Variants in PPP1R9A observed in about 807,000 individuals in gnomAD.
PPP1R9A encodes the protein protein phosphatase 1 regulatory subunit 9A.
Under a neutral mutation model 141.9 loss-of-function variants are expected in PPP1R9A, and 59 were observed. The ratio of observed to expected loss-of-function variants is 0.42; its 90% confidence interval spans 0.34 to 0.52. The LOEUF (loss-of-function observed/expected upper bound fraction) is 0.52. PPP1R9A is among the 20% of genes least tolerant of loss of function. The probability of loss-of-function intolerance (pLI) is 0.10; values close to 1 mark genes in which losing one functional copy is unlikely to be tolerated. For missense variants in PPP1R9A, 1,444 were observed against 1,611.9 expected (o/e 0.90, Z 1.78); for synonymous variants, 500 against 569.7 (o/e 0.88, Z 1.74).
At chr7:95,245,838 C>G (rs959849496) in intron 8 of PPP1R9A, among the ~76,000 whole-genome samples, 7 of 152,098 alleles carry the variant, frequency 4.6e-5, no homozygotes, top group Non-Finnish European at 1.0e-4. Flanking sequence ...GGGTCCTACT[C>G]TAGAAACTGT....
At chr7:95,132,864 C>T (rs538511913) in intron 4 of PPP1R9A, among the ~76,000 whole-genome samples, 2 of 152,260 alleles carry the variant, frequency 1.3e-5, no homozygotes, top group Non-Finnish European at 2.9e-5. Context: ...GAGGTGCCAG[C>T]AACTGTTGAG....
chr7:95,195,368 C>T (rs1836101351), intron 5 of PPP1R9A, among the ~76,000 whole-genome samples: 2 of 150,430 alleles, frequency 1.3e-5, no homozygotes, highest in South Asian at 4.2e-4. Flanking sequence ...GCAGCCTTGA[C>T]CTCCTGGGGT....
intron 2 of PPP1R9A, among the ~76,000 whole-genome samples, chr7:95,046,924 G>A (rs1345865703): frequency 6.6e-6 from 1 of 152,176 alleles, no homozygotes; most frequent in Non-Finnish European, 1.5e-5. Context: ...TCAGAGAAAC[G>A]GTTTGCAGCC....
chr7:95,189,082 T>G (rs979266473), intron 5 of PPP1R9A, among the ~76,000 whole-genome samples: 2 of 152,162 alleles, frequency 1.3e-5, no homozygotes, highest in African/African-American at 4.8e-5. Context: ...GGTTTGTAAG[T>G]ATTTTGTTTG....
chr7:95,131,252 T>C (rs114814128), intron 4 of PPP1R9A, among the ~76,000 whole-genome samples: 1,585 of 152,228 alleles, frequency 0.01, 24 homozygotes, highest in African/African-American at 0.037. Flanking sequence ...ATAATGATGG[T>C]TTTAAAAAGG....
Position 95,269,511 on chromosome 7 carries a change from T to C in PPP1R9A, c.3124+4T>C. The C allele has an allele frequency of 6.4e-7, 1 of 1,552,972 alleles. No individual in the cohort carries two copies. Among genetic ancestry groups the C allele is most frequent in the Non-Finnish European group, 8.8e-7 (1 of 1,141,114 alleles). Reference sequence around the variant, plus strand: ...AAGAAAATATTACGAGAAAAAGGTATTGTTAATTTCTTTTTCTGACTTCAT... The same window carrying C: ...AAGAAAATATTACGAGAAAAAGGTACTGTTAATTTCTTTTTCTGACTTCAT... On this transcript the variant is annotated splice_donor_region_variant and intron_variant, in intron 14 of 19. Coordinates refer to ENST00000433360, the MANE Select transcript of PPP1R9A (RefSeq NM_001166160.2).
intron 2 of PPP1R9A, among the ~76,000 whole-genome samples, chr7:95,023,085 T>A (rs1806232829): frequency 6.6e-6 from 1 of 152,196 alleles, no homozygotes; most frequent in Admixed American, 6.5e-5. Context: ...CTGGTAGAAT[T>A]CGGCTGTGAT....
intron 2 of PPP1R9A, among the ~76,000 whole-genome samples, chr7:95,043,721 G>A (rs1809590832): frequency 6.6e-6 from 1 of 152,070 alleles, no homozygotes. Context: ...CTATTGTCTT[G>A]TTAAATTTCC....
intron 2 of PPP1R9A, among the ~76,000 whole-genome samples, chr7:95,081,267 G>T (rs1815784722): frequency 6.6e-6 from 1 of 152,086 alleles, no homozygotes; most frequent in African/African-American, 2.4e-5. Context: ...AAGAGGCAGG[G>T]ACTTTAAAAA....
intron 16 of PPP1R9A, 60 bp from the exon 17 acceptor site, chr7:95,283,958 T>G: frequency 7.4e-7 from 1 of 1,360,366 alleles, no homozygotes; most frequent in East Asian, 2.3e-5. Context: ...GTCCTTGGGT[T>G]CAGTAGGTCT....
At position 95,213,099 on chromosome 7, in the gene PPP1R9A, A is replaced by G. The variant is rs186790943; in HGVS notation, c.1956+9369A>G. Reference sequence around the variant, plus strand: ...TGAGGGTGGACGTTGTTTGGAGACAATTCCTCCATGGGTTCTCCCTTCTCT... The same window carrying G: ...TGAGGGTGGACGTTGTTTGGAGACAGTTCCTCCATGGGTTCTCCCTTCTCT... On this transcript the variant is annotated intron_variant, in intron 7 of 19. Transcript: ENST00000433360. 4.6e-5 allele frequency among the ~76,000 whole-genome samples: 7 copies of G among 151,894 alleles called. No homozygotes were observed. In the East Asian group the frequency reaches 7.8e-4, roughly 17 times the overall value.
intron 18 of PPP1R9A, among the ~76,000 whole-genome samples, chr7:95,286,737 T>C (rs866630245): frequency 6.6e-6 from 1 of 152,044 alleles, no homozygotes. Context: ...ATAGTTTTGA[T>C]AAAGAGGGAA....
intron 5 of PPP1R9A, among the ~76,000 whole-genome samples, chr7:95,173,981 A>G (rs934732433): frequency 1.3e-5 from 2 of 152,086 alleles, no homozygotes; most frequent in Admixed American, 6.6e-5. Context: ...AGTTAGGCAT[A>G]CACTTATACC....
At chr7:95,144,188 ACT>A (rs1012406652) in intron 4 of PPP1R9A, among the ~76,000 whole-genome samples, 3 of 151,508 alleles carry the variant, frequency 2.0e-5, no homozygotes, top group African/African-American at 7.3e-5. Flanking sequence ...CCAGCCTTCT[ACT>A]CTGTTTTTGT....
intron 8 of PPP1R9A, among the ~76,000 whole-genome samples, chr7:95,237,278 C>G (rs928635905): frequency 7.3e-5 from 11 of 151,064 alleles, no homozygotes; most frequent in African/African-American, 2.7e-4. Context: ...TCACTGCAAC[C>G]TCTGCCTCCT....
intron 16 of PPP1R9A, among the ~76,000 whole-genome samples, chr7:95,283,077 G>T (rs1804580952): frequency 6.6e-6 from 1 of 152,108 alleles, no homozygotes. Flanking sequence ...TCAAATAATA[G>T]GCATTCCATC....
At chr7:95,049,219 C>T (rs867476903) in intron 2 of PPP1R9A, among the ~76,000 whole-genome samples, 3 of 152,048 alleles carry the variant, frequency 2.0e-5, no homozygotes, top group African/African-American at 4.8e-5. Context: ...CACTTCCAGG[C>T]TCCATATATT....
chr7:94,914,678 G>T (rs1382416901), intron 2 of PPP1R9A, among the ~76,000 whole-genome samples: 1 of 152,176 alleles, frequency 6.6e-6, no homozygotes, highest in Non-Finnish European at 1.5e-5. Flanking sequence ...TTTTCAAAAT[G>T]AAAGGATTGA....
intron 7 of PPP1R9A, among the ~76,000 whole-genome samples, chr7:95,206,076 C>T (rs1790729511): frequency 6.6e-6 from 1 of 152,122 alleles, no homozygotes; most frequent in Non-Finnish European, 1.5e-5. Flanking sequence ...ACTGAATAAA[C>T]CTGCAGTTGA....
Sources: allele counts gnomAD v4.1 joint callset (sites outside exome capture counted in the v4.1 genomes callset), GRCh38; gene constraint gnomAD v4.1.1; transcripts MANE v1.5; gene names NCBI Gene and HGNC (gene_info 2026-07-23, HGNC 2026-07-21).